SH3D19: variants seen among roughly 807,000 people sequenced by gnomAD.
SH3D19 encodes the protein SH3 domain-containing protein 19.
SH3D19 carries 58 observed loss-of-function variants against 112.1 expected under a neutral mutation model. The ratio of observed to expected loss-of-function variants is 0.52; its 90% confidence interval spans 0.42 to 0.64. SH3D19 has a LOEUF of 0.64. Among genes scored for constraint, SH3D19 ranks in the 30% least tolerant of loss-of-function variants. SH3D19 has a pLI of 0.00. For synonymous variants in SH3D19, 391 were observed against 448.5 expected (o/e 0.87, Z 1.62); for missense variants, 1,090 against 1,263.4 (o/e 0.86, Z 2.08).
chr4:151,300,327 A>T (rs974790047), intron 1 of SH3D19, among the ~76,000 whole-genome samples: 2 of 152,066 alleles, frequency 1.3e-5, no homozygotes, highest in African/African-American at 2.4e-5. Flanking sequence ...GCTTTGCACA[A>T]TTTTTTTTAA....
chr4:151,246,216 G>A (rs1475654288), intron 1 of SH3D19, among the ~76,000 whole-genome samples: 12 of 152,110 alleles, frequency 7.9e-5, no homozygotes, highest in Non-Finnish European at 1.8e-4. Flanking sequence ...CTAATTCCTG[G>A]TATATATATA....
chr4:151,126,718 G>C (rs1389345480), intron 19 of SH3D19, among the ~76,000 whole-genome samples: 1 of 30,480 alleles, frequency 3.3e-5, no homozygotes, highest in Non-Finnish European at 1.6e-4. Context: ...AGAATGGCGT[G>C]AACCGGGAGG....
At chr4:151,194,237 G>C (rs1405660062) in intron 2 of SH3D19, among the ~76,000 whole-genome samples, 1 of 151,292 alleles carries the variant, frequency 6.6e-6, no homozygotes, top group Non-Finnish European at 1.5e-5. Context: ...CAGTTGGCCA[G>C]GCTGGTCTTA....
At chr4:151,260,330 T>C (rs1284030243) in intron 1 of SH3D19, among the ~76,000 whole-genome samples, 1 of 152,190 alleles carries the variant, frequency 6.6e-6, no homozygotes, top group Non-Finnish European at 1.5e-5. Flanking sequence ...CTATTTGGCA[T>C]CTCAAGGGTA....
intron 1 of SH3D19, among the ~76,000 whole-genome samples, chr4:151,264,839 T>C (rs1772649889): frequency 6.6e-6 from 1 of 152,192 alleles, no homozygotes; most frequent in African/African-American, 2.4e-5. Context: ...TGGGATCTGA[T>C]GCTGACCAGA....
intron 1 of SH3D19, among the ~76,000 whole-genome samples, chr4:151,274,516 T>C (rs933904063): frequency 6.6e-6 from 1 of 152,136 alleles, no homozygotes; most frequent in Non-Finnish European, 1.5e-5. Flanking sequence ...GAACTGAAAA[T>C]AGGGAACAAC....
intron 2 of SH3D19, among the ~76,000 whole-genome samples, chr4:151,208,654 A>G (rs10017154): frequency 0.83 from 124,519 of 150,918 alleles, 53,058 homozygotes; most frequent in Non-Finnish European, 0.95. Context: ...ACAGGCATGC[A>G]CCACTGTGCC....
rs547623977 is a variant in SH3D19 at position 151,301,769 on chromosome 4, A to G, written c.112+23472T>C. On this transcript the variant is annotated intron_variant, in intron 1 of 19. Coordinates refer to ENST00000604030, the MANE Select transcript of SH3D19 (RefSeq NM_001378122.1). ...TAACAGGGTGAGAATGGACCAATAC[A>G]ATAAGTTAAAGATATCAAGACTCTA... 2.0e-5 allele frequency among the ~76,000 whole-genome samples: 3 copies of G among 152,310 alleles called. No homozygotes were observed. The East Asian group carries it at 5.8e-4, about 29-fold the overall frequency.
chr4:151,146,495 A>C (rs1244447846), intron 11 of SH3D19, among the ~76,000 whole-genome samples: 4 of 151,330 alleles, frequency 2.6e-5, no homozygotes, highest in African/African-American at 4.9e-5. Flanking sequence ...GGTTAACCTG[A>C]TCAAAGTAGA....
intron 8 of SH3D19, among the ~76,000 whole-genome samples, chr4:151,162,569 C>T (rs964890763): frequency 2.0e-5 from 3 of 150,696 alleles, no homozygotes; most frequent in Admixed American, 6.6e-5. Flanking sequence ...AACTTTATCC[C>T]TAGAAAGTCC....
At chr4:151,219,304 T>C (rs1398384084) in intron 2 of SH3D19, among the ~76,000 whole-genome samples, 1 of 152,080 alleles carries the variant, frequency 6.6e-6, no homozygotes, top group Non-Finnish European at 1.5e-5. Context: ...ATAATCCCCT[T>C]TATCCCCGAT....
At chr4:151,165,821 T>G (rs1328339931) in intron 7 of SH3D19, 125 bp from the exon 8 acceptor site, 1 of 754,504 alleles carries the variant, frequency 1.3e-6, no homozygotes, top group Non-Finnish European at 2.1e-6. Flanking sequence ...ATAAACAAAA[T>G]CTCAGTTTGC....
At chr4:151,232,816 GTACCAAAT>G (rs986415788) in intron 1 of SH3D19, among the ~76,000 whole-genome samples, 11 of 152,088 alleles carry the variant, frequency 7.2e-5, no homozygotes, top group Non-Finnish European at 1.2e-4. Context: ...TACTGCTGCT[GTACCAAAT>G]TACCACAAAC....
intron 1 of SH3D19, among the ~76,000 whole-genome samples, chr4:151,276,976 T>TC (rs1773688960): frequency 6.6e-6 from 1 of 152,056 alleles, no homozygotes; most frequent in African/African-American, 2.4e-5. Flanking sequence ...CCCCAGTTCC[T>TC]CCCCTGGGTC....
chr4:151,208,072 C>T (rs1765362744), intron 2 of SH3D19, among the ~76,000 whole-genome samples: 2 of 152,148 alleles, frequency 1.3e-5, no homozygotes, highest in East Asian at 1.9e-4. Flanking sequence ...TTAATTTACA[C>T]GTCACTATAA....
Position 151,175,630 on chromosome 4 carries a change from A to G in SH3D19, c.574T>C (p.Ser192Pro). 1 of 1,313,454 alleles carries G rather than the reference A, an allele frequency of 7.6e-7. No homozygotes were observed. Among genetic ancestry groups the G allele is most frequent in the Non-Finnish European group, 9.6e-7 (1 of 1,037,698 alleles). 81.4% of individuals were successfully genotyped at this position (1,313,454 alleles called of 1,614,324 possible). A position where few individuals can be genotyped will look rare whatever the true frequency, so the allele number is the denominator to read the frequency against. The part of the protein sequence containing the change: ...LKPLQPFSAV[S>P]SGNLPTNVAP... ...ACATTTGTTGGAAGATTGCCAGACGAGACTGCTGAGAAAGGCTGAAGAGGC... is the reference window on the plus strand; with the variant it reads ...ACATTTGTTGGAAGATTGCCAGACGGGACTGCTGAGAAAGGCTGAAGAGGC... Residue 192 changes from serine to proline, a missense_variant, in exon 7 of 20, where the codon TCG becomes CCG. Ser to Pro is a moderately conservative substitution (Grantham distance 74, BLOSUM62 -1). Coordinates refer to ENST00000604030, the MANE Select transcript of SH3D19 (RefSeq NM_001378122.1).
intron 1 of SH3D19, among the ~76,000 whole-genome samples, chr4:151,275,322 C>G (rs556919440): frequency 6.6e-6 from 1 of 152,212 alleles, no homozygotes; most frequent in African/African-American, 2.4e-5. Context: ...CTCCTGACCT[C>G]GTGACCCACC....
chr4:151,239,251 TCTTTAAGACAGAGC>T (rs1770369560), intron 1 of SH3D19, among the ~76,000 whole-genome samples: 2 of 152,190 alleles, frequency 1.3e-5, no homozygotes, highest in Non-Finnish European at 1.5e-5. Context: ...ACGATAAGGT[TCTTTAAGACAGAGC>T]CTTTATATCC....
intron 1 of SH3D19, among the ~76,000 whole-genome samples, chr4:151,244,159 A>T (rs1293225565): frequency 6.6e-6 from 1 of 152,184 alleles, no homozygotes; most frequent in Non-Finnish European, 1.5e-5. Context: ...AACAAGACAC[A>T]GACATCTTAC....
Sources: gnomAD v4.1 joint callset for allele counts (sites outside exome capture counted in the v4.1 genomes callset) on GRCh38, gnomAD v4.1.1 for gene constraint, MANE v1.5 for transcripts, NCBI Gene and HGNC (gene_info 2026-07-23, HGNC 2026-07-21) for gene names.